The following ZFAT variants were observed in gnomAD, a reference collection of about 807,000 sequenced individuals.
ZFAT encodes the protein zinc finger and AT-hook domain containing.
In ZFAT, 64 loss-of-function variants were observed where a neutral mutation model predicts 117.7. The ratio of observed to expected loss-of-function variants is 0.54; its 90% CI spans 0.44 to 0.67. ZFAT has a LOEUF of 0.67. Among genes scored for constraint, ZFAT ranks in the 30% least tolerant of loss-of-function variants. ZFAT has a pLI of 0.00. For missense variants in ZFAT, 1,433 were observed against 1,584.5 expected (o/e 0.90, Z 1.62); for synonymous variants, 679 against 615.0 (o/e 1.10, Z -1.54).
In ZFAT at chr8:134,641,438, T is replaced by A. The variant is rs117043869; in HGVS notation, c.197-3726A>T. On this transcript the variant is annotated intron_variant, in intron 2 of 15. Transcript: ENST00000377838. ...CCAAGCCCCAGTTCAAATCCTAACA[T>A]GTCCGGTCCAGTTAAGACCTCAGTG... Among the ~76,000 whole-genome samples the A allele has an allele frequency of 1.9e-3, 293 of 152,256 alleles. 2 individuals carry two copies. Among genetic ancestry groups the A allele is most frequent in the Middle Eastern group, 0.014 (4 of 294 alleles).
In ZFAT at chr8:134,542,295, T is replaced by A. The variant is rs553611292; in HGVS notation, c.2977-9323A>T. Among the ~76,000 whole-genome samples, 31 of 152,362 alleles carry A rather than the reference T, an allele frequency of 2.0e-4. 1 individual carries two copies. In the South Asian group the frequency reaches 6.4e-3, roughly 32 times the overall value. On this transcript the variant is annotated intron_variant, in intron 11 of 15. Transcript: ENST00000377838. Reference sequence around the variant, plus strand: ...GCCATTCTCTCTACAACAAGTGTCTTTCTTTTCTTTCCAACTTTTATTTTA... The same window carrying A: ...GCCATTCTCTCTACAACAAGTGTCTATCTTTTCTTTCCAACTTTTATTTTA...
chr8:134,631,720 C>T (rs925439738), intron 3 of ZFAT, among the ~76,000 whole-genome samples: 1 of 152,138 alleles, frequency 6.6e-6, no homozygotes, highest in Non-Finnish European at 1.5e-5. Context: ...GTGGTGAGCA[C>T]AGGCCATACT....
chr8:134,623,211 C>T (rs918937750), intron 3 of ZFAT, among the ~76,000 whole-genome samples: 3 of 152,186 alleles, frequency 2.0e-5, no homozygotes, highest in African/African-American at 7.2e-5. Context: ...GAGTCTTCAC[C>T]CCAGCTTCCT....
rs1156846634 is a variant in ZFAT at position 134,608,863 on chromosome 8, C to T, written c.651G>A (p.Val217=). The part of the protein sequence containing the change: ...HEAIPGATKI[V]PVEAGPPETG... ...TTTCAGGGGGCCCAGCCTCCACTGG[C>T]ACAATCTTGGTAGCACCTGAGATTG... is the stretch of plus-strand genomic sequence containing the variant. The change falls in exon 5 of 16, where the codon GTG becomes GTA. Residue 217 remains valine, a synonymous_variant. Transcript: ENST00000377838. 4 of 1,607,360 alleles carry T rather than the reference C, an allele frequency of 2.5e-6. No homozygotes were observed. In the African/African-American group the frequency reaches 4.0e-5, roughly 16 times the overall value.
chr8:134,712,738 C>CGG, intron 1 of ZFAT, 107 bp downstream of exon 1: 16 of 1,140,570 alleles, frequency 1.4e-5, no homozygotes, highest in Non-Finnish European at 1.7e-5. Context: ...GGCCGGCGGC[C>CGG]GGCGGCCGGC....
chr8:134,692,641 TACAA>T (rs1438877373), intron 1 of ZFAT, among the ~76,000 whole-genome samples: 10 of 152,236 alleles, frequency 6.6e-5, no homozygotes, highest in Middle Eastern at 3.4e-3. Flanking sequence ...TAAAACAAAA[TACAA>T]ACAAACAAAT....
the ZFAT span, among the ~76,000 whole-genome samples, chr8:134,799,293 A>G: frequency 1.3e-5 from 2 of 152,198 alleles, no homozygotes; most frequent in African/African-American, 2.4e-5. Flanking sequence ...AGGCAAGAGC[A>G]TACAGACACT....
intron 3 of ZFAT, among the ~76,000 whole-genome samples, chr8:134,618,994 C>T (rs1430438331): frequency 1.3e-5 from 2 of 152,164 alleles, no homozygotes; most frequent in Non-Finnish European, 2.9e-5. Context: ...AATCATTTTA[C>T]CTGAGTCTGG....
chr8:134,804,930 G>T, the ZFAT span: 4 of 533,438 alleles, frequency 7.5e-6, no homozygotes, highest in Non-Finnish European at 1.5e-5. Flanking sequence ...TTCCAGTCGG[G>T]GATGTTTACA....
chr8:134,620,375 C>T (rs116607565), intron 3 of ZFAT, among the ~76,000 whole-genome samples: 1,660 of 152,278 alleles, frequency 0.011, 37 homozygotes, highest in African/African-American at 0.037. Context: ...CACTCCAGCC[C>T]GAGAAGGCAC....
chr8:134,687,394 A>G (rs1001279583), intron 1 of ZFAT, among the ~76,000 whole-genome samples: 1 of 152,236 alleles, frequency 6.6e-6, no homozygotes, highest in African/African-American at 2.4e-5. Flanking sequence ...AATTTTATGC[A>G]TACACATCTC....
chr8:134,485,175 C>T (rs1817579554), intron 15 of ZFAT, among the ~76,000 whole-genome samples: 1 of 152,140 alleles, frequency 6.6e-6, no homozygotes, highest in East Asian at 1.9e-4. Flanking sequence ...GACAAGCTGC[C>T]CTGGGGGGCT....
the ZFAT span, among the ~76,000 whole-genome samples, chr8:134,809,592 T>G: frequency 1.3e-5 from 2 of 152,214 alleles, no homozygotes; most frequent in Non-Finnish European, 1.5e-5. Context: ...ACTATTCACT[T>G]AAAATGGAGT....
chr8:134,568,424 C>T (rs1824635518), intron 10 of ZFAT, among the ~76,000 whole-genome samples: 1 of 152,206 alleles, frequency 6.6e-6, no homozygotes, highest in Admixed American at 6.5e-5. Flanking sequence ...CATGTGCATA[C>T]AGCATCATTA....
chr8:134,515,269 C>T (rs182567053), intron 13 of ZFAT, among the ~76,000 whole-genome samples: 144 of 152,278 alleles, frequency 9.5e-4, no homozygotes, highest in Admixed American at 2.4e-3. Context: ...AATAAACATA[C>T]GTGTGTGCAT....
chr8:134,637,594 C>T lies in ZFAT; in HGVS notation c.315G>A (p.Pro105=), dbSNP rs752559605. The T allele has an allele frequency of 6.8e-6, 11 of 1,614,112 alleles. No homozygotes were observed. Among genetic ancestry groups the T allele is most frequent in the South Asian group, 3.3e-5 (3 of 91,086 alleles). ...TTGGAGGCAGGCTGTTCCCTTCCTC[C>T]GGAGCCAGCGGGCTGTCCTCAGTCG... The part of the protein sequence containing the change: ...VSPTEDSPLA[P]EEGNSLPPSS... The change falls in exon 3 of 16, where the codon CCG becomes CCA. Residue 105 remains proline (P), a synonymous_variant. Coordinates refer to ENST00000377838, the MANE Select transcript of ZFAT (RefSeq NM_020863.4).
chr8:134,791,835 CAT>C, the ZFAT span, among the ~76,000 whole-genome samples: 1 of 152,060 alleles, frequency 6.6e-6, no homozygotes, highest in African/African-American at 2.4e-5. Flanking sequence ...GCAAATGAGA[CAT>C]AAGCTGGGAG....
chr8:134,658,186 A>C (rs1831730216), intron 1 of ZFAT, among the ~76,000 whole-genome samples: 1 of 152,054 alleles, frequency 6.6e-6, no homozygotes, highest in Non-Finnish European at 1.5e-5. Flanking sequence ...AAATACAAAA[A>C]ATTAGCCAGG....
At chr8:134,550,800 CCT>C (rs573160296) in intron 11 of ZFAT, among the ~76,000 whole-genome samples, 227 of 152,246 alleles carry the variant, frequency 1.5e-3, no homozygotes, top group Non-Finnish European at 2.7e-3. Flanking sequence ...ACAAATGGCC[CCT>C]GTTACCACCA....
Sources: allele counts gnomAD v4.1 joint callset (sites outside exome capture counted in the v4.1 genomes callset), GRCh38; gene constraint gnomAD v4.1.1; transcripts MANE v1.5; gene names NCBI Gene and HGNC (gene_info 2026-07-23, HGNC 2026-07-21).